FGF13: variants seen among roughly 807,000 people sequenced by gnomAD.
The protein encoded by FGF13 is fibroblast growth factor 13.
FGF13 carries 2 observed loss-of-function variants against 19.5 expected under a neutral mutation model. The ratio of observed to expected loss-of-function variants is 0.10; its 90% CI spans 0.04 to 0.32. The LOEUF is 0.32. Among genes scored for constraint, FGF13 ranks in the 10% least tolerant of loss-of-function variants. FGF13 has a pLI of 1.00. For synonymous variants in FGF13, 72 were observed against 76.9 expected (o/e 0.94, Z 0.33); for missense variants, 113 against 192.7 (o/e 0.59, Z 2.45).
At chrX:138,944,157 C>G (rs1374038856) in intron 1 of FGF13, among the ~76,000 whole-genome samples, 1 of 111,128 alleles carries the variant, frequency 9.0e-6, no homozygotes, top group Non-Finnish European at 1.9e-5. Flanking sequence ...TCAGGAAACA[C>G]AAATTCTGGT....
intron 1 of FGF13, among the ~76,000 whole-genome samples, chrX:139,147,685 CTAG>C (rs1472752693): frequency 9.0e-6 from 1 of 111,389 alleles, no homozygotes; most frequent in Non-Finnish European, 1.9e-5. Flanking sequence ...GCTTCCTTGG[CTAG>C]TAGCTGCATC....
At chrX:138,679,231 C>G (rs1477598684) in intron 3 of FGF13, among the ~76,000 whole-genome samples, 1 of 110,509 alleles carries the variant, frequency 9.0e-6, no homozygotes, top group East Asian at 2.9e-4. Flanking sequence ...CACATGCCAC[C>G]ACACCCCGCT....
intron 1 of FGF13, among the ~76,000 whole-genome samples, chrX:138,971,649 A>G (rs942826335): frequency 5.4e-5 from 6 of 111,753 alleles, no homozygotes; most frequent in Admixed American, 9.5e-5. Context: ...TTTGATACAT[A>G]CATATATATT....
At position 138,626,299 on chromosome X, in the gene FGF13, C is replaced by T. The variant is rs2089063197; in HGVS notation, c.*6551G>A. 8.9e-6 allele frequency: 1 copy of T among 111,936 alleles called. No individual in the cohort carries two copies. The highest frequency in any genetic ancestry group is 1.9e-5 in the Non-Finnish European group (1 of 53,196). The allele number at this position is 111,936 out of a possible 1,213,427, so 9.2% of individuals were successfully genotyped here. ...TAGGCTAATTAATATTTTAGAGATA[C>T]CCAGTGCTATTTCATGTGCCTTTCA... On this transcript the variant is annotated 3_prime_UTR_variant, in exon 5 of 5. Transcript: ENST00000315930.
At chrX:139,070,073 A>G (rs1438479871) in intron 1 of FGF13, among the ~76,000 whole-genome samples, 1 of 112,177 alleles carries the variant, frequency 8.9e-6, no homozygotes, top group African/African-American at 3.2e-5. Context: ...AGGCATGGGC[A>G]AAGTCTTCAT....
At chrX:138,814,666 T>C (rs1301339018) in intron 3 of FGF13, among the ~76,000 whole-genome samples, 2 of 111,204 alleles carry the variant, frequency 1.8e-5, no homozygotes, top group African/African-American at 3.3e-5. Context: ...ACTTGATACC[T>C]CTTAGAATGA....
At chrX:139,089,275 T>C (rs930478358) in intron 1 of FGF13, among the ~76,000 whole-genome samples, 5 of 112,192 alleles carry the variant, frequency 4.5e-5, no homozygotes, top group Non-Finnish European at 3.8e-5. Context: ...TAGACTCTAA[T>C]TTATTTCAAA....
chrX:138,698,007 A>G (rs765513461), intron 3 of FGF13, among the ~76,000 whole-genome samples: 2 of 111,537 alleles, frequency 1.8e-5, no homozygotes, highest in Admixed American at 9.6e-5. Flanking sequence ...TTATCTCTGC[A>G]CAACAAATAA....
chrX:138,633,049 C>A, intron 4 of FGF13, 63 bp from the exon 5 acceptor site: 1 of 1,132,670 alleles, frequency 8.8e-7, no homozygotes. Context: ...GTGAAAATTT[C>A]TAAGAATAGT....
At chrX:138,936,287 G>C (rs1044097123) in intron 1 of FGF13, among the ~76,000 whole-genome samples, 1 of 111,953 alleles carries the variant, frequency 8.9e-6, no homozygotes, top group Admixed American at 9.5e-5. Context: ...ACTGATGGCT[G>C]TCAAAACTCC....
At chrX:138,697,134 AT>A (rs1569367097) in intron 3 of FGF13, among the ~76,000 whole-genome samples, 1 of 111,836 alleles carries the variant, frequency 8.9e-6, no homozygotes, top group African/African-American at 3.3e-5. Flanking sequence ...AGGAAAGCAA[AT>A]CTAAGTTGTC....
At chrX:139,071,434 CAA>C (rs759851446) in intron 1 of FGF13, among the ~76,000 whole-genome samples, 2 of 111,963 alleles carry the variant, frequency 1.8e-5, no homozygotes, top group Non-Finnish European at 3.8e-5. Flanking sequence ...TTACAAAACG[CAA>C]AGATTCAGAA....
At chrX:138,676,696 A>G (rs921771743) in intron 3 of FGF13, among the ~76,000 whole-genome samples, 1 of 111,219 alleles carries the variant, frequency 9.0e-6, no homozygotes, top group Non-Finnish European at 1.9e-5. Context: ...GGAATACACA[A>G]CCTAGATCCT....
At chrX:138,781,443 G>C (rs1405391041) in intron 3 of FGF13, among the ~76,000 whole-genome samples, 2 of 109,770 alleles carry the variant, frequency 1.8e-5, no homozygotes, top group Non-Finnish European at 3.8e-5. Flanking sequence ...GAAAAAAAGA[G>C]AGAAGAATCA....
Position 138,908,217 on chromosome X carries a change from C to T in FGF13, c.-112-43567G>A, listed in dbSNP as rs183740189. ...TCCCGAGTAACTGGGACAACAGGCA[C>T]CCGCCACTGCGCCCGGCTAAATTTT... is the stretch of plus-strand genomic sequence containing the variant. On this transcript the variant is annotated intron_variant, in intron 1 of 2. Coordinates refer to the FGF13 transcript ENST00000421460. 2.9e-3 allele frequency among the ~76,000 whole-genome samples: 306 copies of T among 107,111 alleles called. 2 individuals carry two copies. The highest frequency in any genetic ancestry group is 9.3e-3 in the African/African-American group (268 of 28,958). 93.0% of individuals were successfully genotyped at this position (107,111 alleles called of 115,157 possible). A position where few individuals can be genotyped will look rare whatever the true frequency, so the allele number is the denominator to read the frequency against.
intron 1 of FGF13, among the ~76,000 whole-genome samples, chrX:138,994,369 C>T (rs916667038): frequency 1.8e-5 from 2 of 110,965 alleles, no homozygotes; most frequent in African/African-American, 6.6e-5. Context: ...TCTTAAAAGC[C>T]TTACCTCCGA....
intron 1 of FGF13, among the ~76,000 whole-genome samples, chrX:138,878,799 C>T (rs1017098237): frequency 2.7e-5 from 3 of 111,603 alleles, no homozygotes; most frequent in African/African-American, 6.5e-5. Flanking sequence ...TCTCCACGTC[C>T]TCTCCAGCAC....
At chrX:138,799,463 C>T (rs1229676460) in intron 3 of FGF13, among the ~76,000 whole-genome samples, 2 of 111,214 alleles carry the variant, frequency 1.8e-5, no homozygotes, top group African/African-American at 3.3e-5. Context: ...ATTTGCTGAA[C>T]CGTGTTTTAT....
chrX:138,840,973 A>G (rs1417618054), intron 3 of FGF13, among the ~76,000 whole-genome samples: 1 of 111,447 alleles, frequency 9.0e-6, no homozygotes, highest in Non-Finnish European at 1.9e-5. Context: ...CACAGAGTTA[A>G]CAGGAAAAGT....
Sources: allele counts gnomAD v4.1 joint callset (sites outside exome capture counted in the v4.1 genomes callset), GRCh38; gene constraint gnomAD v4.1.1; transcripts MANE v1.5; gene names NCBI Gene and HGNC (gene_info 2026-07-23, HGNC 2026-07-21).